The following CNNM2 variants were observed in gnomAD, a reference collection of about 807,000 sequenced individuals.
CNNM2 encodes metal transporter CNNM2.
CNNM2 carries 12 observed loss-of-function variants against 66.9 expected under a neutral mutation model. That is an observed-to-expected ratio of 0.18 (90% CI 0.11 to 0.29). The LOEUF (loss-of-function observed/expected upper bound fraction) is 0.29, where lower values mean the gene tolerates loss of function less well. Ranked by LOEUF, CNNM2 falls within the 10% of genes least tolerant of loss-of-function variation. CNNM2 has a pLI of 1.00. For missense variants in CNNM2, 705 were observed against 1,167.7 expected (o/e 0.60, Z 5.77); for synonymous variants, 557 against 501.8 (o/e 1.11, Z -1.47).
At chr10:102,945,103 C>T (rs1846567338) in intron 1 of CNNM2, among the ~76,000 whole-genome samples, 1 of 152,068 alleles carries the variant, frequency 6.6e-6, no homozygotes, top group Admixed American at 6.6e-5. Flanking sequence ...CAAACTCACC[C>T]AAGGATTTTG....
intron 1 of CNNM2, among the ~76,000 whole-genome samples, chr10:102,925,510 G>A (rs1259525775): frequency 6.6e-6 from 1 of 151,976 alleles, no homozygotes; most frequent in East Asian, 1.9e-4. Context: ...CCCTGAGAAA[G>A]AGAAAAAACA....
At chr10:102,926,179 G>A in intron 1 of CNNM2, among the ~76,000 whole-genome samples, 1 of 152,120 alleles carries the variant, frequency 6.6e-6, no homozygotes, top group Non-Finnish European at 1.5e-5. Flanking sequence ...TGTACCCTCT[G>A]TACCACACAC....
intron 1 of CNNM2, among the ~76,000 whole-genome samples, chr10:103,004,599 G>T (rs887581779): frequency 3.3e-5 from 5 of 152,192 alleles, no homozygotes; most frequent in African/African-American, 1.2e-4. Context: ...GAGCCAGTTG[G>T]ACTGGCTGTG....
intron 4 of CNNM2, among the ~76,000 whole-genome samples, chr10:103,059,762 T>C (rs1039920689): frequency 1.3e-5 from 2 of 151,922 alleles, no homozygotes; most frequent in African/African-American, 4.8e-5. Flanking sequence ...AAAAAAAAAG[T>C]CATAGTTTTA....
chr10:103,010,903 G>A (rs1026545536), intron 1 of CNNM2, among the ~76,000 whole-genome samples: 2 of 152,096 alleles, frequency 1.3e-5, no homozygotes, highest in Non-Finnish European at 2.9e-5. Flanking sequence ...GTAAGCTACC[G>A]TGCCTGGCCG....
chr10:103,002,516 GTCGCCC>G, intron 1 of CNNM2, among the ~76,000 whole-genome samples: 1 of 125,940 alleles, frequency 7.9e-6, no homozygotes, highest in African/African-American at 3.0e-5. Flanking sequence ...TTTCGCTTTT[GTCGCCC>G]AGGCTGGAGT....
At chr10:102,934,744 T>C (rs1389099188) in intron 1 of CNNM2, among the ~76,000 whole-genome samples, 2 of 152,130 alleles carry the variant, frequency 1.3e-5, no homozygotes, top group Non-Finnish European at 2.9e-5. Flanking sequence ...CTTGGGAGGC[T>C]GAGGTGGGAG....
chr10:102,992,273 C>CT lies in CNNM2; in HGVS notation c.1622-57416dup, dbSNP rs35281835. Reference sequence around the variant, plus strand: ...TTTACTGGGAGCAAGCTCCAAGTTCCTTTTTTTTTTTTTTTTTTGAGATGC... The same window carrying CT: ...TTTACTGGGAGCAAGCTCCAAGTTCCTTTTTTTTTTTTTTTTTTTGAGATGC... On this transcript the variant is annotated intron_variant, in intron 1 of 7. Transcript: ENST00000369878. Among the ~76,000 whole-genome samples, 1,495 of 108,490 alleles carry CT rather than the reference C, an allele frequency of 0.014. 53 individuals are homozygous for CT. Among genetic ancestry groups the CT allele is most frequent in the South Asian group, 0.016 (47 of 2,882 alleles). 71.2% of individuals were successfully genotyped at this position (108,490 alleles called of 152,430 possible).
intron 1 of CNNM2, among the ~76,000 whole-genome samples, chr10:102,973,471 A>G (rs889354092): frequency 2.6e-5 from 4 of 151,416 alleles, no homozygotes; most frequent in African/African-American, 4.9e-5. Flanking sequence ...AGCCTAAAAT[A>G]CACTAAAACA....
intron 1 of CNNM2, among the ~76,000 whole-genome samples, chr10:102,935,606 T>A (rs950247981): frequency 2.1e-4 from 15 of 72,106 alleles, no homozygotes; most frequent in Admixed American, 1.1e-3. Flanking sequence ...TAAAAAAAAA[T>A]TTTTTTTTTT....
In CNNM2 at chr10:102,962,690, CTGTGTGTGTGTGTGTG is replaced by C. The variant is rs10580172; in HGVS notation, c.1621+42615_1621+42630del. On this transcript the variant is annotated intron_variant, in intron 1 of 7. Transcript: ENST00000369878. ...GGGAGAATTCTCACAATATGATATA[CTGTGTGTGTGTGTGTG>C]TGTGTGTGTGTGTGTGTGTGTGTGT... Among the ~76,000 whole-genome samples the C allele has an allele frequency of 3.3e-4, 47 of 143,886 alleles. No individual in the cohort carries two copies. In the East Asian group the frequency reaches 4.1e-3, roughly 13 times the overall value. The allele number at this position is 143,886 out of a possible 152,430, so 94.4% of individuals were successfully genotyped here.
intron 1 of CNNM2, among the ~76,000 whole-genome samples, chr10:103,030,656 TGA>T (rs1326630184): frequency 1.3e-5 from 2 of 152,098 alleles, no homozygotes; most frequent in Non-Finnish European, 2.9e-5. Context: ...TGCAGTGAGC[TGA>T]GATCATGCCA....
intron 3 of CNNM2, among the ~76,000 whole-genome samples, chr10:103,055,682 A>T (rs2134340369): frequency 6.6e-6 from 1 of 152,378 alleles, no homozygotes; most frequent in South Asian, 2.1e-4. Flanking sequence ...GTCACAAGTT[A>T]ATACAGAACT....
chr10:102,973,919 C>G (rs1013457381), intron 1 of CNNM2, among the ~76,000 whole-genome samples: 2 of 151,840 alleles, frequency 1.3e-5, no homozygotes, highest in Admixed American at 6.6e-5. Context: ...CTGTTTGAAA[C>G]CCACCTATCC....
rs578207503 is a variant in CNNM2, at chr10:102,949,789, T to C, written c.1621+29688T>C. Among the ~76,000 whole-genome samples the C allele has an allele frequency of 4.6e-4, 70 of 151,936 alleles. 1 individual carries two copies. In the South Asian group the frequency reaches 0.014, roughly 31 times the overall value. ...TGGGCAACAAGAGTGAAACTCCATC[T>C]CAAATAATAATAATAACAATAATAA... On this transcript the variant is annotated intron_variant, in intron 1 of 7. Coordinates refer to ENST00000369878, the MANE Select transcript of CNNM2 (RefSeq NM_017649.5).
intron 1 of CNNM2, among the ~76,000 whole-genome samples, chr10:102,991,805 A>G (rs990524302): frequency 6.6e-6 from 1 of 152,224 alleles, no homozygotes; most frequent in Non-Finnish European, 1.5e-5. Context: ...ATGTAAATAG[A>G]TGCTTCTAAG....
chr10:102,992,502 A>T (rs2063916487), intron 1 of CNNM2, among the ~76,000 whole-genome samples: 1 of 151,954 alleles, frequency 6.6e-6, no homozygotes, highest in Middle Eastern at 3.4e-3. Flanking sequence ...CGAACTCCTG[A>T]TCTCGAAGTG....
chr10:103,057,522 T>C (rs1361572097), intron 4 of CNNM2, among the ~76,000 whole-genome samples: 1 of 150,678 alleles, frequency 6.6e-6, no homozygotes, highest in African/African-American at 2.4e-5. Context: ...CAGATGAAAA[T>C]GGTGAATTCA....
At chr10:102,953,087 C>T (rs1296693467) in intron 1 of CNNM2, among the ~76,000 whole-genome samples, 1 of 152,102 alleles carries the variant, frequency 6.6e-6, no homozygotes, top group East Asian at 1.9e-4. Context: ...AGTATTGCAC[C>T]TGTTATATTA....
Sources: allele counts gnomAD v4.1 joint callset (sites outside exome capture counted in the v4.1 genomes callset), GRCh38; gene constraint gnomAD v4.1.1; transcripts MANE v1.5; gene names NCBI Gene and HGNC (gene_info 2026-07-23, HGNC 2026-07-21).